The following NAV3 variants were observed in gnomAD, a reference collection of about 807,000 sequenced individuals.
NAV3 encodes pore membrane and/or filament interacting like protein 1.
A neutral mutation model predicts 244.7 loss-of-function variants in NAV3; 87 were observed. That is an observed-to-expected ratio of 0.36 (90% CI 0.30 to 0.42). The LOEUF is 0.42. Among genes scored for constraint, NAV3 ranks in the 20% least tolerant of loss-of-function variants. NAV3 has a pLI of 1.00. For missense variants in NAV3, 2,663 were observed against 2,893.3 expected (o/e 0.92, Z 1.83); for synonymous variants, 1,126 against 1,042.2 (o/e 1.08, Z -1.55).
chr12:77,734,130 G>A (rs573249800), intron 2 of NAV3, among the ~76,000 whole-genome samples: 169 of 152,136 alleles, frequency 1.1e-3, no homozygotes, highest in Non-Finnish European at 1.9e-3. Flanking sequence ...AGACTGAGCC[G>A]TTTGAAGTGA....
chr12:77,978,100 A>G (rs890636156), intron 5 of NAV3, among the ~76,000 whole-genome samples: 1 of 152,152 alleles, frequency 6.6e-6, no homozygotes, highest in Non-Finnish European at 1.5e-5. Context: ...TTTTCTAGGT[A>G]TAAAATAAAA....
At chr12:77,677,055 C>T (rs1399919944) in intron 2 of NAV3, among the ~76,000 whole-genome samples, 1 of 152,158 alleles carries the variant, frequency 6.6e-6, no homozygotes, top group Non-Finnish European at 1.5e-5. Flanking sequence ...AGTGTATCTA[C>T]CAGTAGTGGG....
intron 23 of NAV3, among the ~76,000 whole-genome samples, chr12:78,164,841 G>T (rs1175466305): frequency 6.6e-6 from 1 of 152,006 alleles, no homozygotes; most frequent in Non-Finnish European, 1.5e-5. Context: ...AAACAGGCTT[G>T]CCTAGAAGGT....
chr12:77,912,537 CT>C (rs1361274064), intron 1 of NAV3, among the ~76,000 whole-genome samples: 2 of 152,204 alleles, frequency 1.3e-5, no homozygotes, highest in Non-Finnish European at 2.9e-5. Flanking sequence ...CACATTTGTC[CT>C]AGTTTTAAAA....
chr12:78,084,797 C>T (rs762368577), intron 12 of NAV3, among the ~76,000 whole-genome samples: 2 of 152,080 alleles, frequency 1.3e-5, no homozygotes, highest in East Asian at 1.9e-4. Flanking sequence ...GATATAAAAT[C>T]GATGTTGCTA....
chr12:77,857,843 T>G (rs1332483442), intron 1 of NAV3, among the ~76,000 whole-genome samples: 1 of 152,018 alleles, frequency 6.6e-6, no homozygotes, highest in African/African-American at 2.4e-5. Context: ...ACATTTATAT[T>G]TACAATGCCA....
chr12:78,109,295 T>C (rs1954967174), intron 12 of NAV3, among the ~76,000 whole-genome samples: 2 of 151,966 alleles, frequency 1.3e-5, no homozygotes, highest in Non-Finnish European at 1.5e-5. Context: ...ATTAGCAAAA[T>C]TGAATCAGTA....
upstream of NAV3, among the ~76,000 whole-genome samples, chr12:77,828,247 C>G (rs1463614193): frequency 6.6e-6 from 1 of 152,168 alleles, no homozygotes; most frequent in Non-Finnish European, 1.5e-5. Context: ...TATGAGTGCT[C>G]TCTTGCTCTT....
intron 12 of NAV3, among the ~76,000 whole-genome samples, chr12:78,064,397 GT>G (rs1190536062): frequency 1.9e-5 from 2 of 105,088 alleles, no homozygotes; most frequent in Non-Finnish European, 4.3e-5. Flanking sequence ...ATCTATCTGT[GT>G]CTGTCTGTCT....
chr12:77,759,195 T>C (rs1427776571), intron 2 of NAV3, among the ~76,000 whole-genome samples: 1 of 152,144 alleles, frequency 6.6e-6, no homozygotes, highest in Non-Finnish European at 1.5e-5. Context: ...TCATTGTTTT[T>C]AATTTACATT....
At chr12:78,016,821 G>A (rs1026108745) in intron 8 of NAV3, among the ~76,000 whole-genome samples, 7 of 152,080 alleles carry the variant, frequency 4.6e-5, no homozygotes, top group East Asian at 1.9e-4. Context: ...TTAGAGGTTT[G>A]ATAGTGTCTA....
rs1344318700 is a variant in NAV3 at position 78,210,598 on chromosome 12, A to G, written c.*81A>G. 2 of 1,520,134 alleles carry G rather than the reference A, an allele frequency of 1.3e-6. No individual in the cohort carries two copies. The highest frequency in any genetic ancestry group is 2.0e-5 in the Admixed American group (1 of 48,920). The allele number at this position is 1,520,134 out of a possible 1,614,324, so 94.2% of individuals were successfully genotyped here. A position where few individuals can be genotyped will look rare whatever the true frequency, so the allele number is the denominator to read the frequency against. ...AAGGTATTTTCACTAAACCACTGCC[A>G]GTATAAAAGCACCCTGTCAAGGGCC... On this transcript the variant is annotated 3_prime_UTR_variant, in exon 40 of 40. Coordinates refer to ENST00000397909, the MANE Select transcript of NAV3 (RefSeq NM_001024383.2).
intron 16 of NAV3, among the ~76,000 whole-genome samples, chr12:78,123,639 A>G (rs1955777794): frequency 6.6e-6 from 1 of 152,350 alleles, no homozygotes; most frequent in Non-Finnish European, 1.5e-5. Flanking sequence ...TCCCGATGAT[A>G]AAGTAATTTT....
chr12:77,720,794 T>C (rs539229978), intron 2 of NAV3, among the ~76,000 whole-genome samples: 1 of 152,240 alleles, frequency 6.6e-6, no homozygotes, highest in South Asian at 2.1e-4. Context: ...GCCTCTTAAC[T>C]GGTTTCTGGA....
chr12:77,857,619 A>ATT (rs1264647160), intron 1 of NAV3, among the ~76,000 whole-genome samples: 1 of 151,582 alleles, frequency 6.6e-6, no homozygotes, highest in Non-Finnish European at 1.5e-5. Context: ...ATTATCTGTA[A>ATT]TTATATATAT....
intron 2 of NAV3, among the ~76,000 whole-genome samples, chr12:77,618,069 A>G (rs1380817938): frequency 2.0e-5 from 3 of 152,170 alleles, no homozygotes; most frequent in African/African-American, 7.2e-5. Flanking sequence ...TTGCCTGATT[A>G]GTAGTATAGA....
intron 12 of NAV3, among the ~76,000 whole-genome samples, chr12:78,108,118 T>G (rs1954901737): frequency 6.6e-6 from 1 of 152,136 alleles, no homozygotes; most frequent in Non-Finnish European, 1.5e-5. Flanking sequence ...TAAAAGATAT[T>G]CCTTGCAAAT....
intron 12 of NAV3, among the ~76,000 whole-genome samples, chr12:78,081,817 A>G (rs1218081224): frequency 6.6e-6 from 1 of 152,138 alleles, no homozygotes; most frequent in Non-Finnish European, 1.5e-5. Context: ...CACACTGTGT[A>G]TTTCTGAATC....
At chr12:77,640,531 C>T (rs1872362810) in intron 2 of NAV3, among the ~76,000 whole-genome samples, 1 of 152,056 alleles carries the variant, frequency 6.6e-6, no homozygotes, top group South Asian at 2.1e-4. Flanking sequence ...GTATTTTTCT[C>T]TCTGTATTTT....
Sources: gnomAD v4.1 joint callset for allele counts (sites outside exome capture counted in the v4.1 genomes callset) on GRCh38, gnomAD v4.1.1 for gene constraint, MANE v1.5 for transcripts, NCBI Gene and HGNC (gene_info 2026-07-23, HGNC 2026-07-21) for gene names.